ERBB4: variants seen among roughly 807,000 people sequenced by gnomAD.
ERBB4 encodes receptor tyrosine-protein kinase erbB-4.
ERBB4 carries 42 observed loss-of-function variants against 158.0 expected under a neutral mutation model. The observed-to-expected ratio is 0.27, with a 90% CI of 0.21 to 0.34. ERBB4 has a LOEUF of 0.34. Among genes scored for constraint, ERBB4 ranks in the 10% least tolerant of loss-of-function variants. The pLI, the probability that ERBB4 is intolerant of heterozygous loss-of-function variation, is 1.00. For synonymous variants in ERBB4, 583 were observed against 558.7 expected (o/e 1.04, Z -0.61); for missense variants, 1,333 against 1,624.1 (o/e 0.82, Z 3.08).
chr2:211,680,053 T>C (rs1574974011), intron 12 of ERBB4, among the ~76,000 whole-genome samples: 1 of 152,196 alleles, frequency 6.6e-6, no homozygotes, highest in Non-Finnish European at 1.5e-5. Flanking sequence ...TCATCACATG[T>C]AAGGAAGAAG....
chr2:211,977,197 G>T (rs1170341592), intron 2 of ERBB4, among the ~76,000 whole-genome samples: 2 of 152,158 alleles, frequency 1.3e-5, no homozygotes, highest in Non-Finnish European at 2.9e-5. Context: ...TTTCTGAGGT[G>T]GATAGAGAAA....
Position 212,343,312 on chromosome 2 carries a change from G to C in ERBB4, c.82+195137C>G, listed in dbSNP as rs540634067. Among the ~76,000 whole-genome samples the C allele has an allele frequency of 2.6e-5, 4 of 152,234 alleles. No homozygotes were observed. In the South Asian group the frequency reaches 6.2e-4, roughly 24 times the overall value. Reference sequence around the variant, plus strand: ...TGAAAATGAAGTCAATGCTGAGAGAGAGAAACAAAGTGTCTATTGCTTTAA... The same window carrying C: ...TGAAAATGAAGTCAATGCTGAGAGACAGAAACAAAGTGTCTATTGCTTTAA... On this transcript the variant is annotated intron_variant, in intron 1 of 27. Transcript: ENST00000342788.
chr2:211,422,234 A>G, intron 23 of ERBB4, 130 bp from the exon 24 acceptor site: 1 of 667,190 alleles, frequency 1.5e-6, no homozygotes, highest in Non-Finnish European at 2.7e-6. Flanking sequence ...GAAAGAAAGC[A>G]AGCTAGTGAA....
intron 20 of ERBB4, among the ~76,000 whole-genome samples, chr2:211,560,263 T>C (rs936490898): frequency 3.0e-5 from 2 of 65,696 alleles, no homozygotes; most frequent in Admixed American, 2.7e-4. Context: ...GAAGCTTAGC[T>C]TTTTTTTTTT....
intron 1 of ERBB4, among the ~76,000 whole-genome samples, chr2:212,427,225 T>C (rs915817392): frequency 2.6e-5 from 4 of 152,116 alleles, no homozygotes; most frequent in Admixed American, 6.6e-5. Context: ...ACTATGCAAA[T>C]AGAAGAAAGC....
chr2:211,607,870 T>C, intron 19 of ERBB4, among the ~76,000 whole-genome samples: 1 of 52,770 alleles, frequency 1.9e-5, no homozygotes, highest in African/African-American at 3.8e-5. Context: ...ATCAGATTTT[T>C]TTTTTTTTTT....
chr2:212,527,020 G>T (rs1442761189), intron 1 of ERBB4, among the ~76,000 whole-genome samples: 1 of 151,988 alleles, frequency 6.6e-6, no homozygotes, highest in Non-Finnish European at 1.5e-5. Flanking sequence ...AATAACAAAT[G>T]ATTAAAAATC....
intron 16 of ERBB4, among the ~76,000 whole-genome samples, chr2:211,637,587 T>A (rs938095926): frequency 6.6e-6 from 1 of 152,006 alleles, no homozygotes; most frequent in East Asian, 1.9e-4. Context: ...TGATCCTATA[T>A]ACTACTTTTA....
At chr2:211,989,054 T>C (rs764208761) in intron 2 of ERBB4, among the ~76,000 whole-genome samples, 1 of 152,030 alleles carries the variant, frequency 6.6e-6, no homozygotes, top group Admixed American at 6.6e-5. Context: ...TTATGTTTTA[T>C]TTTTGGAATA....
chr2:212,332,142 C>T (rs757158746), intron 1 of ERBB4, among the ~76,000 whole-genome samples: 3 of 151,920 alleles, frequency 2.0e-5, no homozygotes, highest in Non-Finnish European at 4.4e-5. Context: ...CTGGGAAGGA[C>T]CCAGTGGGAG....
At chr2:212,402,729 T>C (rs1321537006) in intron 1 of ERBB4, among the ~76,000 whole-genome samples, 1 of 152,108 alleles carries the variant, frequency 6.6e-6, no homozygotes, top group Non-Finnish European at 1.5e-5. Flanking sequence ...ACTGCATGTG[T>C]ATAAATACAG....
intron 3 of ERBB4, among the ~76,000 whole-genome samples, chr2:211,851,706 CA>C (rs2106034555): frequency 6.6e-6 from 1 of 151,926 alleles, no homozygotes; most frequent in African/African-American, 2.4e-5. Context: ...CCCTTGCCTT[CA>C]AAAGGTGTTT....
intron 1 of ERBB4, among the ~76,000 whole-genome samples, chr2:212,309,949 G>A (rs1179129316): frequency 6.6e-6 from 1 of 150,512 alleles, no homozygotes; most frequent in Non-Finnish European, 1.5e-5. Flanking sequence ...GTTGGGCCAT[G>A]TTTTCAGTGC....
intron 18 of ERBB4, 88 bp downstream of exon 18, chr2:211,623,834 G>A: frequency 7.8e-7 from 1 of 1,279,968 alleles, no homozygotes; most frequent in Non-Finnish European, 1.1e-6. Context: ...AGAAAATTAG[G>A]TTGTCTAAAG....
chr2:212,166,283 T>C (rs80169059), intron 1 of ERBB4, among the ~76,000 whole-genome samples: 1,649 of 152,248 alleles, frequency 0.011, 15 homozygotes, highest in Middle Eastern at 0.024. Context: ...ACTGAGGATA[T>C]GCTTCTTCTC....
At chr2:211,738,438 G>A (rs1009651033) in intron 5 of ERBB4, among the ~76,000 whole-genome samples, 13 of 143,598 alleles carry the variant, frequency 9.1e-5, no homozygotes, top group African/African-American at 3.0e-4. Flanking sequence ...GCATGATCTC[G>A]GCTCACTGCA....
At chr2:212,012,253 T>C (rs1230141134) in intron 2 of ERBB4, among the ~76,000 whole-genome samples, 2 of 152,080 alleles carry the variant, frequency 1.3e-5, no homozygotes, top group Non-Finnish European at 2.9e-5. Context: ...ATCCTGTACA[T>C]TTTTCCCTCA....
At chr2:211,519,405 C>T (rs1307032831) in intron 20 of ERBB4, among the ~76,000 whole-genome samples, 7 of 151,980 alleles carry the variant, frequency 4.6e-5, no homozygotes, top group Non-Finnish European at 1.0e-4. Context: ...ATAATTAAAG[C>T]CATTCCCTAT....
rs1382155537 is a variant in ERBB4 at position 211,903,203 on chromosome 2, A to G, written c.421+44227T>C. ...TACTCAGTTCCAAAAGTACTGCTTG[A>G]ATAGGCTCTCAGTAATTAACCAATA... On this transcript the variant is annotated intron_variant, in intron 3 of 27. Coordinates refer to ENST00000342788, the MANE Select transcript of ERBB4 (RefSeq NM_005235.3). Among the ~76,000 whole-genome samples, 4 of 152,102 alleles carry G rather than the reference A, an allele frequency of 2.6e-5. No individual in the cohort carries two copies. The East Asian group carries it at 7.7e-4, about 29-fold the overall frequency.
Sources: allele counts gnomAD v4.1 joint callset (sites outside exome capture counted in the v4.1 genomes callset), GRCh38; gene constraint gnomAD v4.1.1; transcripts MANE v1.5; gene names NCBI Gene and HGNC (gene_info 2026-07-23, HGNC 2026-07-21).